ZSWIM5: variants seen among roughly 807,000 people sequenced by gnomAD.
ZSWIM5 encodes the protein zinc finger SWIM domain-containing protein 5.
Under a neutral mutation model 119.6 loss-of-function variants are expected in ZSWIM5, and 55 were observed. The ratio of observed to expected loss-of-function variants is 0.46; its 90% confidence interval spans 0.37 to 0.58. The LOEUF is 0.58. Ranked by LOEUF, ZSWIM5 falls within the 20% of genes least tolerant of loss-of-function variation. The probability of loss-of-function intolerance (pLI) is 0.00; values close to 1 mark genes in which losing one functional copy is unlikely to be tolerated. For synonymous variants in ZSWIM5, 537 were observed against 606.9 expected, an observed-to-expected ratio of 0.88 and a Z score of 1.69; for missense variants, 1,193 against 1,512.8, an observed-to-expected ratio of 0.79 and a Z score of 3.51.
intron 5 of ZSWIM5, among the ~76,000 whole-genome samples, chr1:45,044,466 G>A (rs1381884900): frequency 6.6e-6 from 1 of 151,138 alleles, no homozygotes; most frequent in Non-Finnish European, 1.5e-5. Flanking sequence ...GCTCACGCCT[G>A]TAATCCCAGA....
Position 45,205,798 on chromosome 1 carries a change from G to C in ZSWIM5, c.553C>G (p.Arg185Gly). Residue 185 changes from arginine (R) to glycine (G), a missense_variant, in exon 1 of 14, where the codon CGT becomes GGT. Around this residue, in one of 2 missense-constraint regions of ZSWIM5, gnomAD observed 961 missense variants for 1,290.0 expected, o/e 0.74. Transcript: ENST00000359600. ...TCCACGGAGCCGCTGTCCAGCAGACGGATGCCCCGGCGGAACGGGAGCCCC... is the reference window on the plus strand; with the variant it reads ...TCCACGGAGCCGCTGTCCAGCAGACCGATGCCCCGGCGGAACGGGAGCCCC... ...GEGLPFRRGI[R>G]LLDSGSVENV... The C allele has an allele frequency of 6.4e-7, 1 of 1,554,894 alleles. No homozygotes were observed. Among genetic ancestry groups the C allele is most frequent in the Non-Finnish European group, 8.7e-7 (1 of 1,155,166 alleles).
At chr1:45,067,935 G>C (rs113428276) in intron 2 of ZSWIM5, among the ~76,000 whole-genome samples, 199 of 152,130 alleles carry the variant, frequency 1.3e-3, no homozygotes, top group African/African-American at 4.3e-3. Flanking sequence ...AAACTAATAA[G>C]AGAAATGGTG....
intron 1 of ZSWIM5, among the ~76,000 whole-genome samples, chr1:45,182,149 G>C (rs965581162): frequency 7.2e-5 from 11 of 152,206 alleles, no homozygotes; most frequent in African/African-American, 2.7e-4. Context: ...GGGCGCGGTG[G>C]CTCACGCCTG....
At chr1:45,164,374 T>C (rs1391241426) in intron 1 of ZSWIM5, among the ~76,000 whole-genome samples, 1 of 151,912 alleles carries the variant, frequency 6.6e-6, no homozygotes, top group Non-Finnish European at 1.5e-5. Flanking sequence ...ACATGACAAA[T>C]TGTAAAAACC....
chr1:45,111,085 T>C (rs1645514414), intron 1 of ZSWIM5, among the ~76,000 whole-genome samples: 1 of 152,150 alleles, frequency 6.6e-6, no homozygotes, highest in African/African-American at 2.4e-5. Context: ...GTAAATGTTA[T>C]AGCAAAACTC....
At chr1:45,175,220 G>T (rs966972431) in intron 1 of ZSWIM5, among the ~76,000 whole-genome samples, 2 of 152,058 alleles carry the variant, frequency 1.3e-5, no homozygotes, top group South Asian at 2.1e-4. Context: ...TCTATCTTTG[G>T]CAGTAATATC....
intron 1 of ZSWIM5, among the ~76,000 whole-genome samples, chr1:45,099,695 C>G (rs1213217440): frequency 6.6e-6 from 1 of 152,196 alleles, no homozygotes; most frequent in African/African-American, 2.4e-5. Context: ...AAAAGCTTAT[C>G]TACCATGATC....
chr1:45,058,334 T>C (rs1645134294), intron 4 of ZSWIM5, among the ~76,000 whole-genome samples: 1 of 152,202 alleles, frequency 6.6e-6, no homozygotes, highest in Non-Finnish European at 1.5e-5. Context: ...GTTACTGCCA[T>C]GAAACAGAAG....
At chr1:45,147,959 T>C (rs1056404241) in intron 1 of ZSWIM5, among the ~76,000 whole-genome samples, 15 of 152,256 alleles carry the variant, frequency 9.9e-5, no homozygotes, top group African/African-American at 2.4e-4. Flanking sequence ...AGAGTTTAAA[T>C]AGACATAAAA....
At chr1:45,052,245 A>G (rs947721459) in intron 4 of ZSWIM5, among the ~76,000 whole-genome samples, 1 of 151,378 alleles carries the variant, frequency 6.6e-6, no homozygotes, top group African/African-American at 2.4e-5. Flanking sequence ...AGGTTTGTTT[A>G]GAACTCCTGA....
chr1:45,039,416 C>G (rs1392586228), intron 7 of ZSWIM5, among the ~76,000 whole-genome samples: 1 of 152,164 alleles, frequency 6.6e-6, no homozygotes, highest in South Asian at 2.1e-4. Flanking sequence ...GACAGAGTCT[C>G]GCTCTATCGC....
chr1:45,160,457 G>C (rs1300394572), intron 1 of ZSWIM5, among the ~76,000 whole-genome samples: 1 of 151,906 alleles, frequency 6.6e-6, no homozygotes, highest in Non-Finnish European at 1.5e-5. Flanking sequence ...CCCAGCCTCT[G>C]GTATCCATCA....
At chr1:45,139,004 G>A (rs1428078297) in intron 1 of ZSWIM5, among the ~76,000 whole-genome samples, 1 of 150,416 alleles carries the variant, frequency 6.6e-6, no homozygotes, top group Non-Finnish European at 1.5e-5. Flanking sequence ...TGATTTTCCA[G>A]CCTCGTAGCT....
At chr1:45,151,064 T>A (rs1645794093) in intron 1 of ZSWIM5, among the ~76,000 whole-genome samples, 1 of 152,138 alleles carries the variant, frequency 6.6e-6, no homozygotes, top group Non-Finnish European at 1.5e-5. Flanking sequence ...AGTCCAGAGC[T>A]TCCAGGTCAT....
chr1:45,153,093 T>TAAA (rs76324771), intron 1 of ZSWIM5, among the ~76,000 whole-genome samples: 1 of 105,868 alleles, frequency 9.4e-6, no homozygotes, highest in Admixed American at 1.0e-4. Flanking sequence ...ATTAAAAAGT[T>TAAA]AAAAAAAAAA....
intron 1 of ZSWIM5, among the ~76,000 whole-genome samples, chr1:45,125,995 G>A (rs1023694820): frequency 5.3e-5 from 8 of 151,892 alleles, no homozygotes; most frequent in Non-Finnish European, 8.8e-5. Context: ...TTGAACCCAG[G>A]AGCTTGAGGT....
chr1:45,071,757 C>T (rs1319589522), intron 2 of ZSWIM5, among the ~76,000 whole-genome samples: 1 of 152,130 alleles, frequency 6.6e-6, no homozygotes, highest in Non-Finnish European at 1.5e-5. Context: ...CTGCACCCAG[C>T]TGATCTCATT....
Position 45,159,685 on chromosome 1 carries a change from T to C in ZSWIM5, c.595+46071A>G, listed in dbSNP as rs371591418. On this transcript the variant is annotated intron_variant, in intron 1 of 13. Coordinates refer to ENST00000359600, the MANE Select transcript of ZSWIM5 (RefSeq NM_020883.2). ...CTCACTGCAACCTCTGCCTCCTGGG[T>C]TCAAGCGCTTCTCCTGCCTCAGCCT... is the stretch of plus-strand genomic sequence containing the variant. 1.0e-3 allele frequency among the ~76,000 whole-genome samples: 156 copies of C among 152,030 alleles called. 3 individuals carry two copies. The highest frequency in any genetic ancestry group is 6.8e-3 in the Middle Eastern group (2 of 294).
chr1:45,133,847 G>A (rs1198858560), intron 1 of ZSWIM5, among the ~76,000 whole-genome samples: 1 of 151,864 alleles, frequency 6.6e-6, no homozygotes, highest in Non-Finnish European at 1.5e-5. Context: ...AGTTTTCCCA[G>A]CACCGTTTAT....
Sources: gnomAD v4.1 joint callset for allele counts (sites outside exome capture counted in the v4.1 genomes callset) on GRCh38, gnomAD v4.1.1 for gene constraint, gnomAD v4.1.1 regional missense constraint, MANE v1.5 for transcripts, NCBI Gene and HGNC (gene_info 2026-07-23, HGNC 2026-07-21) for gene names.